ANXA10: variants seen among roughly 807,000 people sequenced by gnomAD.
ANXA10 encodes annexin A10.
ANXA10 carries 49 observed loss-of-function variants against 53.5 expected under a neutral mutation model. The observed-to-expected ratio is 0.92, with a 90% CI of 0.73 to 1.16. ANXA10 has a LOEUF of 1.16. Ranked by LOEUF, ANXA10 falls within the 50% of genes most tolerant of loss-of-function variation. The pLI is 0.00. For missense variants in ANXA10, 393 were observed against 394.4 expected, an observed-to-expected ratio of 1.00 and a Z score of 0.03; for synonymous variants, 131 against 128.9, an observed-to-expected ratio of 1.02 and a Z score of -0.11.
At chr4:168,162,463 A>C in intron 3 of ANXA10, 65 bp from the exon 4 acceptor site, 51 of 1,023,122 alleles carry the variant, frequency 5.0e-5, no homozygotes, top group Middle Eastern at 2.4e-4. Flanking sequence ...GACTTTCTGC[A>C]ATTATCTCAT....
At chr4:168,169,771 C>T (rs1018504173) in intron 6 of ANXA10, among the ~76,000 whole-genome samples, 1 of 152,182 alleles carries the variant, frequency 6.6e-6, no homozygotes, top group Admixed American at 6.5e-5. Context: ...TGGTTCCACT[C>T]CAATTCTACT....
chr4:168,112,588 G>A (rs1730828717), intron 1 of ANXA10, among the ~76,000 whole-genome samples: 1 of 151,924 alleles, frequency 6.6e-6, no homozygotes, highest in African/African-American at 2.4e-5. Flanking sequence ...ATTTTCTAAT[G>A]ACTAAAAAAT....
chr4:168,130,943 C>A (rs1045806355), intron 2 of ANXA10, among the ~76,000 whole-genome samples: 6 of 151,842 alleles, frequency 4.0e-5, no homozygotes, highest in African/African-American at 7.2e-5. Context: ...CCAAAAAAAA[C>A]CAGCTTTTGG....
intron 3 of ANXA10, among the ~76,000 whole-genome samples, chr4:168,149,247 G>C (rs1201308783): frequency 6.6e-6 from 1 of 152,108 alleles, no homozygotes; most frequent in Non-Finnish European, 1.5e-5. Flanking sequence ...AATCCTTTTA[G>C]ACCAAAGTCT....
At chr4:168,158,617 C>T (rs1731729463) in intron 3 of ANXA10, among the ~76,000 whole-genome samples, 1 of 152,090 alleles carries the variant, frequency 6.6e-6, no homozygotes, top group South Asian at 2.1e-4. Flanking sequence ...AGCAGACATC[C>T]TTGCCTTGTT....
intron 1 of ANXA10, among the ~76,000 whole-genome samples, chr4:168,104,599 T>G (rs752346017): frequency 2.0e-4 from 30 of 152,080 alleles, no homozygotes; most frequent in Non-Finnish European, 4.3e-4. Flanking sequence ...TTAACTGCTT[T>G]TCTTGAATGA....
chr4:168,127,789 TCATTTGTCTGGAAAACAATGTTGAAACC>T, intron 1 of ANXA10: 1 of 554,574 alleles, frequency 1.8e-6, no homozygotes, highest in Non-Finnish European at 3.3e-6. Context: ...ACTTTCATTT[TCATTTGTCTGGAAAACAATGTTGAAACC>T]TTTTTTTTTT....
chr4:168,115,497 G>GTGCACACA (rs1553997027), intron 1 of ANXA10, among the ~76,000 whole-genome samples: 1 of 136,428 alleles, frequency 7.3e-6, no homozygotes, highest in African/African-American at 2.6e-5. Context: ...CAATACACAC[G>GTGCACACA]CACACACACA....
chr4:168,141,762 G>A (rs1421316527), intron 3 of ANXA10, among the ~76,000 whole-genome samples: 1 of 152,158 alleles, frequency 6.6e-6, no homozygotes, highest in African/African-American at 2.4e-5. Flanking sequence ...GTCCTGGGTT[G>A]GGTTTTTATA....
chr4:168,097,139 T>C (rs967590952), intron 1 of ANXA10, among the ~76,000 whole-genome samples: 4 of 151,884 alleles, frequency 2.6e-5, no homozygotes, highest in African/African-American at 7.3e-5. Flanking sequence ...TTCTGGTAAC[T>C]TCTCTTCTTT....
intron 1 of ANXA10, among the ~76,000 whole-genome samples, chr4:168,114,998 C>T (rs565924774): frequency 6.6e-6 from 1 of 152,208 alleles, no homozygotes; most frequent in South Asian, 2.1e-4. Flanking sequence ...AAAATCCTCC[C>T]ATCTCAGCCT....
chr4:168,177,672 G>T, intron 6 of ANXA10, 68 bp from the exon 7 acceptor site: 1 of 1,475,680 alleles, frequency 6.8e-7, no homozygotes, highest in Non-Finnish European at 9.5e-7. Flanking sequence ...AAGGATTTCA[G>T]TCTCACTAAT....
intron 6 of ANXA10, among the ~76,000 whole-genome samples, chr4:168,177,231 A>G (rs1396307599): frequency 2.0e-5 from 3 of 152,166 alleles, no homozygotes; most frequent in Non-Finnish European, 4.4e-5. Flanking sequence ...GATCAACTGG[A>G]CCATGTCTGT....
chr4:168,136,062 A>G (rs1731232112), intron 2 of ANXA10, among the ~76,000 whole-genome samples: 1 of 152,048 alleles, frequency 6.6e-6, no homozygotes, highest in Non-Finnish European at 1.5e-5. Context: ...ATTGCGACAC[A>G]CTTTTAAACA....
At chr4:168,128,308 G>GA (rs2040815349) in intron 2 of ANXA10, 143 bp downstream of exon 2, 1 of 523,124 alleles carries the variant, frequency 1.9e-6, no homozygotes, top group Non-Finnish European at 3.3e-6. Flanking sequence ...ACTGAGCAAA[G>GA]AAGTAGAATG....
At chr4:168,097,575 T>C (rs533021182) in intron 1 of ANXA10, among the ~76,000 whole-genome samples, 8 of 152,164 alleles carry the variant, frequency 5.3e-5, no homozygotes, top group African/African-American at 1.9e-4. Context: ...CATCCTCTTA[T>C]TAGTACAGAA....
intron 3 of ANXA10, among the ~76,000 whole-genome samples, chr4:168,162,136 A>T (rs1376528385): frequency 6.6e-6 from 1 of 152,194 alleles, no homozygotes; most frequent in Non-Finnish European, 1.5e-5. Flanking sequence ...GATAAAATAA[A>T]ATAAAGTGCA....
At chr4:168,114,268 C>T (rs1210413845) in intron 1 of ANXA10, among the ~76,000 whole-genome samples, 5 of 149,400 alleles carry the variant, frequency 3.3e-5, no homozygotes, top group Non-Finnish European at 7.4e-5. Context: ...TGTGTCTATA[C>T]ATATATTTTA....
chr4:168,168,662 G>A (rs865971968), intron 6 of ANXA10, among the ~76,000 whole-genome samples: 9 of 152,098 alleles, frequency 5.9e-5, no homozygotes, highest in East Asian at 5.8e-4. Flanking sequence ...CTCTTGATCC[G>A]CCCGCCTCGG....
Sources: gnomAD v4.1 joint callset for allele counts (sites outside exome capture counted in the v4.1 genomes callset) on GRCh38, gnomAD v4.1.1 for gene constraint, MANE v1.5 for transcripts, NCBI Gene and HGNC (gene_info 2026-07-23, HGNC 2026-07-21) for gene names.